CCSER1: variants seen among roughly 807,000 people sequenced by gnomAD.
The protein encoded by CCSER1 is serine-rich coiled-coil domain-containing protein 1.
CCSER1 carries 41 observed loss-of-function variants against 82.0 expected under a neutral mutation model. That is an observed-to-expected ratio of 0.50 (90% CI 0.39 to 0.65). The LOEUF (loss-of-function observed/expected upper bound fraction) is 0.65, where lower values mean the gene tolerates loss of function less well. CCSER1 is among the 30% of genes least tolerant of loss of function. The probability of loss-of-function intolerance (pLI) is 0.00; values close to 1 mark genes in which losing one functional copy is unlikely to be tolerated. For missense variants in CCSER1, 1,119 were observed against 1,064.2 expected, an observed-to-expected ratio of 1.05 and a Z score of -0.72; for synonymous variants, 414 against 383.9, an observed-to-expected ratio of 1.08 and a Z score of -0.92.
chr4:90,349,507 A>T (rs1743036715), intron 3 of CCSER1, among the ~76,000 whole-genome samples: 1 of 152,094 alleles, frequency 6.6e-6, no homozygotes, highest in South Asian at 2.1e-4. Context: ...AGTGAAACAA[A>T]TTCATTTCTC....
intron 7 of CCSER1, among the ~76,000 whole-genome samples, chr4:90,792,020 A>G (rs1755332693): frequency 6.6e-6 from 1 of 152,220 alleles, no homozygotes; most frequent in Admixed American, 6.5e-5. Flanking sequence ...AGGTATGCCC[A>G]TATATAGTAT....
At position 91,602,881 on chromosome 4, in the gene CCSER1, A is replaced by G. The variant is rs1295563393; in HGVS notation, c.*3824A>G. Among the ~76,000 whole-genome samples the G allele has an allele frequency of 5.3e-5, 8 of 152,036 alleles. No homozygotes were observed. Among genetic ancestry groups the G allele is most frequent in the Non-Finnish European group, 1.5e-5 (1 of 67,938 alleles). On this transcript the variant is annotated 3_prime_UTR_variant, in exon 11 of 11. Transcript: ENST00000509176. ...CATTTATACCAGGATTTTGATTGCTATCTAAGACTTGACTTTATTTAGGCA... is the reference window on the plus strand; with the variant it reads ...CATTTATACCAGGATTTTGATTGCTGTCTAAGACTTGACTTTATTTAGGCA...
At chr4:91,122,398 CAT>C (rs1233437968) in intron 10 of CCSER1, among the ~76,000 whole-genome samples, 2 of 151,744 alleles carry the variant, frequency 1.3e-5, no homozygotes, top group Non-Finnish European at 3.0e-5. Flanking sequence ...TCATGTATAA[CAT>C]GTTTCAGCAA....
intron 10 of CCSER1, among the ~76,000 whole-genome samples, chr4:91,103,638 T>A (rs56091462): frequency 0.33 from 50,248 of 151,958 alleles, 8,852 homozygotes; most frequent in East Asian, 0.45. Context: ...CTTTTATAAT[T>A]TCTTATGCCT....
At position 91,296,485 on chromosome 4, in the gene CCSER1, A is replaced by ATTTT. The variant is rs1553921465; in HGVS notation, c.2217+210492_2217+210495dup. On this transcript the variant is annotated intron_variant, in intron 10 of 10. Transcript: ENST00000509176. ...TATATATGTATATATATATATATAT[A>ATTTT]TTTTAATTAAATATACAGTTATCTG... Among the ~76,000 whole-genome samples the ATTTT allele has an allele frequency of 9.9e-5, 14 of 140,970 alleles. No individual in the cohort carries two copies. In the East Asian group the frequency reaches 1.2e-3, roughly 12 times the overall value. 92.5% of individuals were successfully genotyped at this position (140,970 alleles called of 152,430 possible).
At chr4:90,786,978 C>A (rs1754601094) in intron 7 of CCSER1, among the ~76,000 whole-genome samples, 1 of 152,176 alleles carries the variant, frequency 6.6e-6, no homozygotes, top group Non-Finnish European at 1.5e-5. Context: ...CTCAGGGAAT[C>A]ACTAACTTAA....
At chr4:90,531,550 G>C (rs182897981) in intron 5 of CCSER1, among the ~76,000 whole-genome samples, 3 of 151,922 alleles carry the variant, frequency 2.0e-5, no homozygotes, top group African/African-American at 7.3e-5. Flanking sequence ...TAAGAAGAGG[G>C]GCAATACTTT....
intron 9 of CCSER1, among the ~76,000 whole-genome samples, chr4:90,979,180 A>ATATG (rs1328706980): frequency 6.6e-6 from 1 of 151,366 alleles, no homozygotes; most frequent in Admixed American, 6.6e-5. Context: ...AGGTGTGTAT[A>ATATG]TATGTATGTA....
intron 8 of CCSER1, chr4:90,918,311 C>A (rs1358895712): frequency 8.9e-6 from 4 of 450,818 alleles, no homozygotes; most frequent in African/African-American, 8.1e-5. Flanking sequence ...TGATAAATTT[C>A]ATCAACTTTT....
rs1445823737 is a variant in CCSER1 at position 91,604,320 on chromosome 4, G to T, written c.*5263G>T. On this transcript the variant is annotated 3_prime_UTR_variant, in exon 11 of 11. Coordinates refer to ENST00000509176, the MANE Select transcript of CCSER1 (RefSeq NM_001145065.2). ...TTACTCCTAAACTTCCATTGATATTGCTAGGGACAAAAAATTAAGCAATGA... is the reference window on the plus strand; with the variant it reads ...TTACTCCTAAACTTCCATTGATATTTCTAGGGACAAAAAATTAAGCAATGA... 6.6e-6 allele frequency: 1 copy of T among 152,124 alleles called. No individual in the cohort carries two copies. The highest frequency in any genetic ancestry group is 2.4e-5 in the African/African-American group (1 of 41,530). The allele number at this position is 152,124 out of a possible 1,614,324, so 9.4% of individuals were successfully genotyped here. A position where few individuals can be genotyped will look rare whatever the true frequency, so the allele number is the denominator to read the frequency against.
chr4:90,644,192 T>C (rs1727072998), intron 6 of CCSER1, among the ~76,000 whole-genome samples: 1 of 152,166 alleles, frequency 6.6e-6, no homozygotes. Context: ...TTTTTGGATT[T>C]TGGAATATTT....
At chr4:90,682,962 A>G (rs889878752) in intron 6 of CCSER1, 4 of 152,144 alleles carry the variant, frequency 2.6e-5, no homozygotes, top group African/African-American at 7.2e-5. Flanking sequence ...TGCATTGCCT[A>G]CTGGCAATGG....
intron 10 of CCSER1, among the ~76,000 whole-genome samples, chr4:91,242,041 A>G (rs1031766888): frequency 1.3e-5 from 2 of 152,224 alleles, no homozygotes; most frequent in Non-Finnish European, 2.9e-5. Flanking sequence ...AAAACAACAA[A>G]GTTAATGAAA....
intron 6 of CCSER1, among the ~76,000 whole-genome samples, chr4:90,666,022 C>T (rs1214823889): frequency 6.6e-6 from 1 of 152,048 alleles, no homozygotes; most frequent in Non-Finnish European, 1.5e-5. Flanking sequence ...CTGTCATATT[C>T]TTAAGGTCTT....
intron 10 of CCSER1, among the ~76,000 whole-genome samples, chr4:91,381,514 C>G (rs1182082118): frequency 6.6e-6 from 1 of 151,982 alleles, no homozygotes; most frequent in Non-Finnish European, 1.5e-5. Flanking sequence ...TCACTGATAC[C>G]CTTTCTTCCC....
intron 10 of CCSER1, chr4:91,112,468 G>C (rs192899606): frequency 7.2e-5 from 11 of 152,216 alleles, no homozygotes; most frequent in African/African-American, 2.6e-4. Context: ...CAGAGACAGT[G>C]AATTGATAAT....
At chr4:91,529,654 T>C (rs936333255) in intron 10 of CCSER1, among the ~76,000 whole-genome samples, 4 of 152,100 alleles carry the variant, frequency 2.6e-5, no homozygotes, top group Non-Finnish European at 4.4e-5. Context: ...GAGACTACCT[T>C]TTATGGCAAG....
chr4:91,466,078 G>T (rs538982192), intron 10 of CCSER1, among the ~76,000 whole-genome samples: 2 of 152,110 alleles, frequency 1.3e-5, no homozygotes, highest in African/African-American at 4.8e-5. Context: ...CAATATCCCT[G>T]ATGAACATTG....
rs544710977 is a variant in CCSER1, at chr4:90,146,296, T to C, written c.-42+18465T>C. ...AGGAGATCAGAGGAATATTTTAATA[T>C]GTAAAGTCTCTTTAAATTTTTATGG... On this transcript the variant is annotated intron_variant, in intron 1 of 10. Transcript: ENST00000509176. Among the ~76,000 whole-genome samples, 3 of 152,252 alleles carry C rather than the reference T, an allele frequency of 2.0e-5. No individual in the cohort carries two copies. The East Asian group carries it at 5.8e-4, about 29-fold the overall frequency.
Sources: allele counts gnomAD v4.1 joint callset (sites outside exome capture counted in the v4.1 genomes callset), GRCh38; gene constraint gnomAD v4.1.1; transcripts MANE v1.5; gene names NCBI Gene and HGNC (gene_info 2026-07-23, HGNC 2026-07-21).